Variants in FAM186A observed in about 807,000 individuals in gnomAD.
The protein encoded by FAM186A is protein FAM186A.
In FAM186A, 163 loss-of-function variants were observed where a neutral mutation model predicts 216.8. The observed-to-expected ratio is 0.75, with a 90% CI of 0.66 to 0.86. FAM186A has a LOEUF of 0.86. Ranked by LOEUF, FAM186A falls within the 40% of genes least tolerant of loss-of-function variation. The pLI is 0.00. For synonymous variants in FAM186A, 805 were observed against 1,025.3 expected (o/e 0.79, Z 4.10); for missense variants, 2,184 against 2,746.2 (o/e 0.80, Z 4.58).
rs1942951812 is a variant in FAM186A, at chr12:50,354,561, T to C, written c.2271A>G (p.Ser757=). 6.4e-7 allele frequency: 1 copy of C among 1,551,528 alleles called. No homozygotes were observed. ...TCTGAAAATGCAATCCTGGCATAAA[T>C]GAGACTACCTTTTTTTGTTTTATAG... ...EKPIKQKKVV[S]FMPGLHFQKS... The change falls in exon 4 of 8, where the codon TCA becomes TCG. Residue 757 remains serine (S), a synonymous_variant. Coordinates refer to ENST00000327337, the MANE Select transcript of FAM186A (RefSeq NM_001145475.3).
chr12:50,367,516 C>CAAAA (rs35171998), intron 1 of FAM186A, among the ~76,000 whole-genome samples: 13 of 89,662 alleles, frequency 1.4e-4, no homozygotes, highest in Non-Finnish European at 2.0e-4. Flanking sequence ...GACTCTGTCT[C>CAAAA]AAAAAAAAAA....
At chr12:50,382,723 T>C (rs1455731890) in intron 1 of FAM186A, among the ~76,000 whole-genome samples, 3 of 151,788 alleles carry the variant, frequency 2.0e-5, no homozygotes, top group Non-Finnish European at 2.9e-5. Context: ...AATAAATAAA[T>C]AAAAAGCAAA....
chr12:50,391,025 G>A (rs1386946515), intron 1 of FAM186A, among the ~76,000 whole-genome samples: 1 of 151,590 alleles, frequency 6.6e-6, no homozygotes, highest in African/African-American at 2.4e-5. Context: ...GTCTTGCTCC[G>A]TTGCCCAGGT....
rs1428494570 is a variant in FAM186A, at chr12:50,396,412, T to C, written c.73A>G (p.Met25Val). The change falls in exon 1 of 8, where the codon ATG becomes GTG. Residue 25 changes from methionine (M) to valine (V), a missense_variant. Physicochemically the swap from Met to Val is conservative, Grantham distance 21 (BLOSUM62 1). Around this residue, in one of 7 missense-constraint regions of FAM186A, gnomAD observed 1,132 missense variants for 1,263.4 expected, o/e 0.90. Coordinates refer to ENST00000327337, the MANE Select transcript of FAM186A (RefSeq NM_001145475.3). ...AGGATATTTTGGGGCTCTCTTCTCA[T>C]GATGGTGGAATCCTTGATGCATTTT... ...SEKCIKDSTI[M>V]RREPQNILSP... The C allele has an allele frequency of 6.4e-7, 1 of 1,551,546 alleles. No homozygotes were observed. The highest frequency in any genetic ancestry group is 1.2e-5 in the South Asian group (1 of 84,052).
At chr12:50,334,201 G>A (rs1942685423) in intron 4 of FAM186A, 98 bp from the exon 5 acceptor site, 11 of 1,078,224 alleles carry the variant, frequency 1.0e-5, no homozygotes, top group Admixed American at 3.0e-5. Flanking sequence ...ACGGAGTTTC[G>A]ATCTTGTTGC....
At chr12:50,331,059 T>TA (rs202180980) in intron 6 of FAM186A, among the ~76,000 whole-genome samples, 326 of 150,906 alleles carry the variant, frequency 2.2e-3, no homozygotes, top group African/African-American at 7.2e-3. Context: ...CCTGCCTCCT[T>TA]AAAAAAAAAT....
At position 50,353,008 on chromosome 12, in the gene FAM186A, A is replaced by C. The variant is rs780488022; in HGVS notation, c.3824T>G (p.Leu1275Arg). Residue 1275 changes from leucine to arginine, a missense_variant, in exon 4 of 8, where the codon CTG becomes CGG. Physicochemically the swap from Leu to Arg is moderately radical, Grantham distance 102 (BLOSUM62 -2). This residue lies in a region of FAM186A where 267 missense variants were observed against 446.2 expected (regional missense o/e 0.60). Transcript: ENST00000327337. The part of the protein sequence containing the change: ...IPLTPQQAQA[L>R]GITLTPKQAQ... ...CTGCTTAGGGGTGAGAGTGATCCCC[A>C]GGGCCTGGGCCTGCTGAGGAGTAAG... 1.3e-6 allele frequency: 2 copies of C among 1,534,388 alleles called. No individual in the cohort carries two copies. The highest frequency in any genetic ancestry group is 2.4e-5 in the South Asian group (2 of 83,308).
intron 7 of FAM186A, among the ~76,000 whole-genome samples, chr12:50,328,653 G>T (rs1033433002): frequency 6.6e-6 from 1 of 152,018 alleles, no homozygotes; most frequent in African/African-American, 2.4e-5. Flanking sequence ...GACTACAGGT[G>T]TGTGCCACCA....
chr12:50,327,543 T>A, intron 7 of FAM186A, 139 bp from the exon 8 acceptor site: 4 of 301,712 alleles, frequency 1.3e-5, no homozygotes, highest in South Asian at 7.9e-5. Context: ...TGTAATCCTT[T>A]TTTTTTTTTT....
chr12:50,389,309 T>A (rs544164557), intron 1 of FAM186A, among the ~76,000 whole-genome samples: 1 of 152,208 alleles, frequency 6.6e-6, no homozygotes, highest in South Asian at 2.1e-4. Flanking sequence ...GAGACCAGCC[T>A]GACCAACATG....
chr12:50,364,558 AAAATAAAT>A (rs35338132), intron 1 of FAM186A, among the ~76,000 whole-genome samples: 4 of 144,576 alleles, frequency 2.8e-5, no homozygotes, highest in South Asian at 2.2e-4. Context: ...ACACTGTCTA[AAAATAAAT>A]AAATAAATAA....
intron 1 of FAM186A, among the ~76,000 whole-genome samples, chr12:50,373,367 A>G (rs1943168305): frequency 6.6e-6 from 1 of 152,198 alleles, no homozygotes; most frequent in African/African-American, 2.4e-5. Context: ...ATTGCACTCC[A>G]GCCTGGATGA....
At chr12:50,359,914 G>A (rs558721432) in intron 3 of FAM186A, among the ~76,000 whole-genome samples, 1 of 152,254 alleles carries the variant, frequency 6.6e-6, no homozygotes, top group Non-Finnish European at 1.5e-5. Context: ...AAATTAGTAT[G>A]AGGGATCTTT....
chr12:50,347,381 A>C (rs1477272770), intron 4 of FAM186A, among the ~76,000 whole-genome samples: 1 of 152,172 alleles, frequency 6.6e-6, no homozygotes, highest in African/African-American at 2.4e-5. Context: ...ACTCAGCATC[A>C]TAAAAATAAA....
At chr12:50,388,982 G>A (rs930866802) in intron 1 of FAM186A, among the ~76,000 whole-genome samples, 5 of 151,926 alleles carry the variant, frequency 3.3e-5, no homozygotes, top group South Asian at 2.1e-4. Flanking sequence ...CCTGGGAGGC[G>A]TAGCGTAGGT....
chr12:50,383,845 C>T (rs982596779), intron 1 of FAM186A, among the ~76,000 whole-genome samples: 1 of 151,540 alleles, frequency 6.6e-6, no homozygotes, highest in Non-Finnish European at 1.5e-5. Flanking sequence ...ATAGGCCGGG[C>T]GCAGTAGTTC....
intron 1 of FAM186A, among the ~76,000 whole-genome samples, chr12:50,380,402 G>A (rs1482521317): frequency 6.6e-6 from 1 of 151,652 alleles, no homozygotes; most frequent in African/African-American, 2.4e-5. Context: ...TTGTTCGGGT[G>A]CGGTGGCTCA....
Position 50,352,948 on chromosome 12 carries a change from T to G in FAM186A, c.3884A>C (p.Gln1295Pro). 1 of 1,532,206 alleles carries G rather than the reference T, an allele frequency of 6.5e-7. No individual in the cohort carries two copies. The highest frequency in any genetic ancestry group is 1.2e-5 in the South Asian group (1 of 82,978). The allele number at this position is 1,532,206 out of a possible 1,614,324, so 94.9% of individuals were successfully genotyped here. ...QELGIPLNPQ[Q>P]AQTLGIPLTP... ...GAGAGGGATCCCCAGGGTCTGGGCCTGCTGAGGGTTGAGAGGGATCCCCAA... is the reference window on the plus strand; with the variant it reads ...GAGAGGGATCCCCAGGGTCTGGGCCGGCTGAGGGTTGAGAGGGATCCCCAA... Residue 1295 changes from glutamine (Q) to proline (P), a missense_variant, in exon 4 of 8, where the codon CAG becomes CCG. Physicochemically the swap from Gln to Pro is moderately conservative, Grantham distance 76. This residue lies in a region of FAM186A where 267 missense variants were observed against 446.2 expected (regional missense o/e 0.60). Transcript: ENST00000327337.
intron 4 of FAM186A, among the ~76,000 whole-genome samples, chr12:50,338,191 C>G (rs1267746839): frequency 6.6e-6 from 1 of 152,078 alleles, no homozygotes; most frequent in Non-Finnish European, 1.5e-5. Context: ...TTATTTAACC[C>G]TTTCAACCTT....
Sources: allele counts gnomAD v4.1 joint callset (sites outside exome capture counted in the v4.1 genomes callset), GRCh38; gene constraint gnomAD v4.1.1; regional missense constraint gnomAD v4.1.1; transcripts MANE v1.5; gene names NCBI Gene and HGNC (gene_info 2026-07-23, HGNC 2026-07-21).